AHNAK2: variants seen among roughly 807,000 people sequenced by gnomAD.
The protein encoded by AHNAK2 is AHNAK nucleoprotein 2, also known as protein AHNAK2.
A neutral mutation model predicts 30.7 loss-of-function variants in AHNAK2; 18 were observed. The ratio of observed to expected loss-of-function variants is 0.59; its 90% CI spans 0.41 to 0.87. The LOEUF (loss-of-function observed/expected upper bound fraction) is 0.87, where lower values mean the gene tolerates loss of function less well. Among genes scored for constraint, AHNAK2 ranks in the 40% least tolerant of loss-of-function variants. The pLI is 0.00. For missense variants in AHNAK2, 8,604 were observed against 7,373.0 expected, an observed-to-expected ratio of 1.17 and a Z score of -6.11; for synonymous variants, 3,590 against 3,073.8, an observed-to-expected ratio of 1.17 and a Z score of -5.56.
chr14:104,956,485 C>T (rs1044418998), intron 4 of AHNAK2, 103 bp downstream of exon 4: 1 of 1,202,798 alleles, frequency 8.3e-7, no homozygotes, highest in Admixed American at 1.7e-5. Flanking sequence ...GGCACACTGC[C>T]AGCCTCTTTG....
chr14:104,942,120 C>G lies in AHNAK2; in HGVS notation c.13331G>C (p.Arg4444Pro), dbSNP rs781458836. Residue 4444 changes from arginine (R) to proline (P), a missense_variant, in exon 7 of 7, where the codon CGG (arginine) becomes CCG (proline). Transcript: ENST00000333244. ...AGCCAGGGACAGGTCCCCCTCCAGC[C>G]GCGTACTGTCCAGCTTGGCTCCTGG... Reference protein sequence around the residue: ...QAPGAKLDSTRLEGDLSLADK... With the variant: ...QAPGAKLDSTPLEGDLSLADK... 28 of 1,613,020 alleles carry G rather than the reference C, an allele frequency of 1.7e-5. No homozygotes were observed. Among genetic ancestry groups the G allele is most frequent in the Non-Finnish European group, 2.4e-5 (28 of 1,179,708 alleles).
chr14:104,957,619 G>A lies in AHNAK2; in HGVS notation c.109C>T (p.His37Tyr). 1.2e-6 allele frequency: 2 copies of A among 1,610,944 alleles called. No individual in the cohort carries two copies. The highest frequency in any genetic ancestry group is 1.7e-6 in the Non-Finnish European group (2 of 1,179,118). Residue 37 changes from histidine to tyrosine, a missense_variant, in exon 2 of 7, where the codon CAC becomes TAC. Transcript: ENST00000333244. ...TTCCTCCTGCTCTCACTTACAGAGT[G>A]GTCATCTTCCGTTTCTGCACCTGGC... Reference protein sequence around the residue: ...GEPGAETEDDHSVTEGPADEG... With the variant: ...GEPGAETEDDYSVTEGPADEG...
At chr14:104,971,639 C>T (rs1899474426) in intron 1 of AHNAK2, among the ~76,000 whole-genome samples, 1 of 152,166 alleles carries the variant, frequency 6.6e-6, no homozygotes, top group Non-Finnish European at 1.5e-5. Flanking sequence ...GACCCCAAGT[C>T]CCCCACTATC....
rs2140814025 is a variant in AHNAK2, at chr14:104,938,757, T to G, written c.16694A>C (p.Asp5565Ala). Residue 5565 changes from aspartate to alanine, a missense_variant, in exon 7 of 7, where the codon GAT becomes GCT. By Grantham distance (126) the Asp-to-Ala change is moderately radical. Coordinates refer to ENST00000333244, the MANE Select transcript of AHNAK2 (RefSeq NM_138420.4). ...ATPGVDSISG[D>A]LQPDTGEPFE... ...TGGTTCTCCAGTGTCAGGCTGGAGA[T>G]CTCCAGAAATGGAGTCTACTCCTGG... 1 of 1,613,880 alleles carries G rather than the reference T, an allele frequency of 6.2e-7. No homozygotes were observed.
rs375676299 is a variant in AHNAK2, at chr14:104,943,248, C to T, written c.12203G>A (p.Gly4068Asp). 22 of 1,612,946 alleles carry T rather than the reference C, an allele frequency of 1.4e-5. No homozygotes were observed. Among genetic ancestry groups the T allele is most frequent in the Non-Finnish European group, 1.8e-5 (21 of 1,179,528 alleles). The change falls in exon 7 of 7, where the codon GGC (glycine) becomes GAC (aspartate). Residue 4068 changes from glycine to aspartate, a missense_variant. Physicochemically the swap from Gly to Asp is moderately conservative, Grantham distance 94 (BLOSUM62 -1). Coordinates refer to ENST00000333244, the MANE Select transcript of AHNAK2 (RefSeq NM_138420.4). ...SFKMPKVDLK[G>D]PQIDVKGPKL... Reference sequence around the variant, plus strand: ...GGGGCCCTTAACATCTATCTGGGGGCCCTTGAGGTCCACTTTGGGCATCTT... The same window carrying T: ...GGGGCCCTTAACATCTATCTGGGGGTCCTTGAGGTCCACTTTGGGCATCTT...
rs778778247 is a variant in AHNAK2 at position 104,943,632 on chromosome 14, G to A, written c.11819C>T (p.Ala3940Val). 5.0e-6 allele frequency: 8 copies of A among 1,613,284 alleles called. No homozygotes were observed. The East Asian group carries it at 1.8e-4, about 36-fold the overall frequency. Residue 3940 changes from alanine (A) to valine (V), a missense_variant, in exon 7 of 7, where the codon GCC becomes GTC. Physicochemically the swap from Ala to Val is moderately conservative, Grantham distance 64. Transcript: ENST00000333244. ...CGCACCATCCAGCTTGGCTCCTGGGGCCTCGACGTCCACCTCCACGCTGGG... is the reference window on the plus strand; with the variant it reads ...CGCACCATCCAGCTTGGCTCCTGGGACCTCGACGTCCACCTCCACGCTGGG... ...SLPSVEVDVE[A>V]PGAKLDGARL...
chr14:104,973,279 C>T (rs964100485), intron 1 of AHNAK2, among the ~76,000 whole-genome samples: 2 of 152,228 alleles, frequency 1.3e-5, no homozygotes, highest in Non-Finnish European at 2.9e-5. Context: ...CTAGGAGTCG[C>T]CATGGGAACT....
chr14:104,948,602 G>T lies in AHNAK2; in HGVS notation c.6849C>A (p.Ser2283Arg), dbSNP rs143159908. The T allele has an allele frequency of 1.4e-3, 2,259 of 1,612,510 alleles. 127 individuals are homozygous for T. The African/African-American group carries it at 0.027, about 19-fold the overall frequency. Residue 2283 changes from serine (S) to arginine (R), a missense_variant, in exon 7 of 7, where the codon AGC becomes AGA. Physicochemically the swap from Ser to Arg is moderately radical, Grantham distance 110. Coordinates refer to ENST00000333244, the MANE Select transcript of AHNAK2 (RefSeq NM_138420.4). The stretch of plus-strand genomic sequence containing the variant: ...CTGGGGCCTTGACGTCCACCTCCAC[G>T]CTGGGCAGAGACACCTCCACATCAG... ...TAPDVEVSLPSVEVDVKAPGA... is the reference protein window; with the variant it reads ...TAPDVEVSLPRVEVDVKAPGA...
rs755291304 is a variant in AHNAK2, at chr14:104,948,027, T to G, written c.7424A>C (p.Asp2475Ala). 43 of 1,608,716 alleles carry G rather than the reference T, an allele frequency of 2.7e-5. 2 individuals are homozygous for G. In the African/African-American group the frequency reaches 4.8e-4, roughly 18 times the overall value. ...LEGDLSVADK[D>A]VTTKDSRFKI... The stretch of plus-strand genomic sequence containing the variant: ...GAACCTGCTGTCTTTGGTAGTCACA[T>G]CCTTGTCCGCCACAGACAGGTCCCC... Residue 2475 changes from aspartate (D) to alanine (A), a missense_variant, in exon 7 of 7, where the codon GAT (aspartate) becomes GCT (alanine). Transcript: ENST00000333244.
Position 104,952,781 on chromosome 14 carries a change from C to T in AHNAK2, c.2670G>A (p.Leu890=). The change falls in exon 7 of 7, where the codon CTG becomes CTA. Residue 890 remains leucine, a synonymous_variant. Transcript: ENST00000333244. ...DLSIQPPSAD[L]EVQAGQVDVK... ...CATCCACTTGGCCAGCCTGGACCTC[C>T]AGGTCAGCGGAAGGGGGCTGAATGC... The T allele has an allele frequency of 6.2e-7, 1 of 1,612,606 alleles. No individual in the cohort carries two copies. The highest frequency in any genetic ancestry group is 8.5e-7 in the Non-Finnish European group (1 of 1,179,574).
In AHNAK2 at chr14:104,954,939, C is replaced by G. The variant is rs186193491; in HGVS notation, c.651+18G>C. On this transcript the variant is annotated intron_variant, in intron 6 of 6. Transcript: ENST00000333244. The surrounding 1 kb of genome is among the most constrained non-coding windows in gnomAD (Gnocchi z 4.3). ...TGAAGCCAGCTGGGGCCCTGCCCCC[C>G]GGGCATAGTGGTCTCACCTCCTTCT... The G allele has an allele frequency of 3.1e-6, 5 of 1,599,068 alleles. No homozygotes were observed. The highest frequency in any genetic ancestry group is 2.2e-5 in the East Asian group (1 of 44,608).
In AHNAK2 at chr14:104,941,707, C is replaced by A; in HGVS notation, c.13744G>T (p.Val4582Leu). The A allele has an allele frequency of 6.8e-6, 11 of 1,613,800 alleles. No homozygotes were observed. Among genetic ancestry groups the A allele is most frequent in the Non-Finnish European group, 9.3e-6 (11 of 1,179,894 alleles). ...GACACCTCCACATCGGGGGCCATCA[C>A]CTCTGCCTTTGGGCCTTTCAGGTCC... ...KLDLKGPKAE[V>L]MAPDVEVSLP... The change falls in exon 7 of 7, where the codon GTG becomes TTG. Residue 4582 changes from valine (V) to leucine (L), a missense_variant. Physicochemically the swap from Val to Leu is conservative, Grantham distance 32 (BLOSUM62 1). Coordinates refer to ENST00000333244, the MANE Select transcript of AHNAK2 (RefSeq NM_138420.4).
chr14:104,941,561 T>C lies in AHNAK2; in HGVS notation c.13890A>G (p.Gly4630=). The C allele has an allele frequency of 6.2e-7, 1 of 1,613,100 alleles. No individual in the cohort carries two copies. Among genetic ancestry groups the C allele is most frequent in the Non-Finnish European group, 8.5e-7 (1 of 1,179,876 alleles). Residue 4630 remains glycine (G), a synonymous_variant, in exon 7 of 7, where the codon GGA becomes GGG. Transcript: ENST00000333244. ...DVAGKDSKFQ[G]PKLSTSGFEW... is the part of the protein sequence containing the mutation. ...CAAAACCAGACGTGCTCAGTTTTGG[T>C]CCTTGAAACTTACTGTCTTTCCCAG...
chr14:104,967,081 G>A (rs1180326308), intron 1 of AHNAK2, among the ~76,000 whole-genome samples: 1 of 152,202 alleles, frequency 6.6e-6, no homozygotes, highest in Non-Finnish European at 1.5e-5. Flanking sequence ...TGCAGCTGGG[G>A]TCATGAGTGG....
rs563659098 is a variant in AHNAK2, at chr14:104,939,580, C to A, written c.15871G>T (p.Glu5291Ter). Reference sequence around the variant, plus strand: ...ATCCTGACCTCAGAAGTGGAAAGCTCATCCCCAGTCATCCCAGCAGTGGAG... The same window carrying A: ...ATCCTGACCTCAGAAGTGGAAAGCTAATCCCCAGTCATCCCAGCAGTGGAG... ...HLSTAGMTGD[E>*]LSTSEVRIHP... Residue 5291 changes from glutamate to a stop codon, truncating the protein, a stop_gained, in exon 7 of 7, where the codon GAG (glutamate) becomes TAG (stop). Transcript: ENST00000333244. LOFTEE classifies it low-confidence loss of function (END_TRUNC). The A allele has an allele frequency of 6.2e-7, 1 of 1,613,828 alleles. No homozygotes were observed. The highest frequency in any genetic ancestry group is 8.5e-7 in the Non-Finnish European group (1 of 1,179,848).
Position 104,944,797 on chromosome 14 carries a change from G to T in AHNAK2, c.10654C>A (p.Leu3552Ile), listed in dbSNP as rs766278224. The T allele has an allele frequency of 1.9e-5, 30 of 1,612,954 alleles. No homozygotes were observed. Among genetic ancestry groups the T allele is most frequent in the Non-Finnish European group, 2.1e-5 (25 of 1,179,648 alleles). Residue 3552 changes from leucine to isoleucine, a missense_variant, in exon 7 of 7, where the codon CTC (leucine) becomes ATC (isoleucine). Transcript: ENST00000333244. ...LEGPVPEGAG[L>I]KGHLPKVEMP... ...TCCACTTTGGGCAGGTGCCCTTTGA[G>T]GCCGGCTCCCTCGGGCACGGGGCCC...
At chr14:104,967,908 GC>G (rs1471375336) in intron 1 of AHNAK2, among the ~76,000 whole-genome samples, 2 of 152,184 alleles carry the variant, frequency 1.3e-5, no homozygotes, top group Admixed American at 6.5e-5. Flanking sequence ...TCCTGAGGAA[GC>G]CCCGCCTCGG....
At position 104,953,439 on chromosome 14, in the gene AHNAK2, T is replaced by C. The variant is rs764231033; in HGVS notation, c.2012A>G (p.Lys671Arg). The C allele has an allele frequency of 2.0e-5, 32 of 1,613,934 alleles. No homozygotes were observed. The East Asian group carries it at 6.5e-4, about 33-fold the overall frequency. Residue 671 changes from lysine (K) to arginine (R), a missense_variant, in exon 7 of 7, where the codon AAA becomes AGA. Coordinates refer to ENST00000333244, the MANE Select transcript of AHNAK2 (RefSeq NM_138420.4). ...QILTEKEVAT[K>R]DSKFKMPKFK... Reference sequence around the variant, plus strand: ...CTTGGGCATTTTGAACTTGCTGTCTTTGGTGGCCACTTCCTTTTCTGTCAG... The same window carrying C: ...CTTGGGCATTTTGAACTTGCTGTCTCTGGTGGCCACTTCCTTTTCTGTCAG...
rs746232273 is a variant in AHNAK2, at chr14:104,952,767, C to G, written c.2684G>C (p.Gly895Ala). ...CTCCGGAAGTTTCACATCCACTTGG[C>G]CAGCCTGGACCTCCAGGTCAGCGGA... ...PPSADLEVQA[G>A]QVDVKLPEGP... The change falls in exon 7 of 7, where the codon GGC (glycine) becomes GCC (alanine). Residue 895 changes from glycine to alanine, a missense_variant. Transcript: ENST00000333244. The G allele has an allele frequency of 6.2e-7, 1 of 1,611,932 alleles. No individual in the cohort carries two copies. Among genetic ancestry groups the G allele is most frequent in the Admixed American group, 1.7e-5 (1 of 59,880 alleles).
Sources: gnomAD v4.1 joint callset for allele counts (sites outside exome capture counted in the v4.1 genomes callset) on GRCh38, gnomAD v4.1.1 for gene constraint, Gnocchi (gnomAD v3.1) non-coding constraint, MANE v1.5 for transcripts, NCBI Gene and HGNC (gene_info 2026-07-23, HGNC 2026-07-21) for gene names.